ARHGEF10: variants seen among roughly 807,000 people sequenced by gnomAD.
The protein encoded by ARHGEF10 is Rho guanine nucleotide exchange factor 10.
A neutral mutation model predicts 147.4 loss-of-function variants in ARHGEF10; 140 were observed. The ratio of observed to expected loss-of-function variants is 0.95; its 90% CI spans 0.83 to 1.09. The LOEUF is 1.09. Among genes scored for constraint, ARHGEF10 ranks in the 50% least tolerant of loss-of-function variants. The probability of loss-of-function intolerance (pLI) is 0.00; values close to 1 mark genes in which losing one functional copy is unlikely to be tolerated. For missense variants in ARHGEF10, 2,222 were observed against 1,752.7 expected, an observed-to-expected ratio of 1.27 and a Z score of -4.78; for synonymous variants, 902 against 695.8, an observed-to-expected ratio of 1.30 and a Z score of -4.67.
chr8:1,909,367 G>A lies in ARHGEF10; in HGVS notation c.2040G>A (p.Val680=). 2 of 1,614,236 alleles carry A rather than the reference G, an allele frequency of 1.2e-6. No homozygotes were observed. Among genetic ancestry groups the A allele is most frequent in the African/African-American group, 1.3e-5 (1 of 75,058 alleles). ...LLKWSVPLGH[V]DAIEYGSSAG... The stretch of plus-strand genomic sequence containing the variant: ...AGTGGAGCGTTCCACTGGGACATGT[G>A]GACGCCATCGAGTATGGCAGCAGCG... Residue 680 remains valine, a synonymous_variant, in exon 18 of 29, where the codon GTG becomes GTA. Transcript: ENST00000349830.
At chr8:1,901,534 C>T (rs1208233948) in intron 15 of ARHGEF10, among the ~76,000 whole-genome samples, 1 of 152,218 alleles carries the variant, frequency 6.6e-6, no homozygotes, top group Non-Finnish European at 1.5e-5. Flanking sequence ...CTATTTCTCT[C>T]CGTTGTTGTG....
chr8:1,883,553 G>C (rs776443256), intron 10 of ARHGEF10, among the ~76,000 whole-genome samples: 4 of 152,198 alleles, frequency 2.6e-5, no homozygotes, highest in African/African-American at 9.7e-5. Flanking sequence ...TGTGTAATTG[G>C]TATGACATGG....
chr8:1,896,401 C>T lies in ARHGEF10; in HGVS notation c.1509C>T (p.Val503=). The T allele has an allele frequency of 1.2e-6, 2 of 1,614,048 alleles. No homozygotes were observed. The highest frequency in any genetic ancestry group is 1.7e-6 in the Non-Finnish European group (2 of 1,180,018). The change falls in exon 14 of 29, where the codon GTC becomes GTT. Residue 503 remains valine (V), a synonymous_variant. Transcript: ENST00000349830. The part of the protein sequence containing the change: ...YVNNFSTAVA[V]LKKTCATKPA... ...ACAATTTCAGCACAGCCGTGGCAGT[C>T]CTCAAGAAAACATGTGCCACAAAGC...
rs576550644 is a variant in ARHGEF10 at position 1,936,980 on chromosome 8, G to C, written c.3222+3038G>C. 4.6e-5 allele frequency among the ~76,000 whole-genome samples: 7 copies of C among 152,284 alleles called. No homozygotes were observed. In the South Asian group the frequency reaches 1.2e-3, roughly 27 times the overall value. The stretch of plus-strand genomic sequence containing the variant: ...GAGGTCCACACTGGGGCAAGGTGCA[G>C]ATGGGACCTGGGTCCTGAGCCTCCT... On this transcript the variant is annotated intron_variant, in intron 26 of 28. Transcript: ENST00000349830.
chr8:1,925,222 G>C (rs1812592412), intron 21 of ARHGEF10, 61 bp from the exon 22 acceptor site: 5 of 1,605,646 alleles, frequency 3.1e-6, no homozygotes, highest in Non-Finnish European at 4.3e-6. Flanking sequence ...CTGTGGAGCT[G>C]CAGGTCTTTG....
At chr8:1,836,692 C>G (rs377396083) in intron 1 of ARHGEF10, among the ~76,000 whole-genome samples, 1 of 152,092 alleles carries the variant, frequency 6.6e-6, no homozygotes, top group Non-Finnish European at 1.5e-5. Context: ...GAAACAAAGG[C>G]GTGGTTTCTG....
intron 1 of ARHGEF10, among the ~76,000 whole-genome samples, chr8:1,840,938 C>A (rs968942687): frequency 6.6e-6 from 1 of 152,176 alleles, no homozygotes; most frequent in African/African-American, 2.4e-5. Context: ...TCTTGCTGCA[C>A]AGAAAGCTCA....
In ARHGEF10 at chr8:1,958,380, T is replaced by G. The variant is rs1815743296; in HGVS notation, c.*1117T>G. 6.6e-6 allele frequency: 1 copy of G among 152,210 alleles called. No individual in the cohort carries two copies. The highest frequency in any genetic ancestry group is 1.5e-5 in the Non-Finnish European group (1 of 68,036). The allele number at this position is 152,210 out of a possible 1,614,324, so 9.4% of individuals were successfully genotyped here. On this transcript the variant is annotated 3_prime_UTR_variant, in exon 29 of 29. Transcript: ENST00000349830. The stretch of plus-strand genomic sequence containing the variant: ...CACACCATCATGTCAAGGTGCATAC[T>G]TAGTGAGCGCCATCCTGCTGAACGT...
chr8:1,929,242 A>G, intron 24 of ARHGEF10, 44 bp from the exon 25 acceptor site: 2 of 1,604,216 alleles, frequency 1.2e-6, no homozygotes, highest in Non-Finnish European at 1.7e-6. Context: ...CGTTCTTGTT[A>G]CAACGAGCAA....
intron 2 of ARHGEF10, among the ~76,000 whole-genome samples, chr8:1,854,275 G>T (rs1035574795): frequency 6.6e-6 from 1 of 152,164 alleles, no homozygotes; most frequent in African/African-American, 2.4e-5. Flanking sequence ...CCCCTTGGAG[G>T]TGGGGGTCAG....
chr8:1,925,139 G>A, intron 21 of ARHGEF10, 144 bp from the exon 22 acceptor site: 1 of 1,020,704 alleles, frequency 9.8e-7, no homozygotes, highest in South Asian at 1.4e-5. Flanking sequence ...AGATTGTACT[G>A]CTTTCCACAA....
At chr8:1,826,120 C>G (rs552502320) in intron 1 of ARHGEF10, 3 of 1,594,642 alleles carry the variant, frequency 1.9e-6, no homozygotes, top group African/African-American at 2.7e-5. Flanking sequence ...GATGAGACCT[C>G]CAGGATTTCT....
Position 1,849,905 on chromosome 8 carries a change from G to A in ARHGEF10, c.37+6469G>A, listed in dbSNP as rs111552074. On this transcript the variant is annotated intron_variant, in intron 2 of 28. Coordinates refer to ENST00000349830, the MANE Select transcript of ARHGEF10 (RefSeq NM_014629.4). ...CGTGGGGCGACCATGTGGACACAGA[G>A]GGCAAATGCTGAGGAGGGCGTGGGC... Among the ~76,000 whole-genome samples, 336 of 138,272 alleles carry A rather than the reference G, an allele frequency of 2.4e-3. 11 individuals carry two copies. Among genetic ancestry groups the A allele is most frequent in the African/African-American group, 9.4e-3 (325 of 34,740 alleles). The allele number at this position is 138,272 out of a possible 152,430, so 90.7% of individuals were successfully genotyped here.
chr8:1,850,125 G>C (rs1482990493), intron 2 of ARHGEF10, among the ~76,000 whole-genome samples: 16 of 125,486 alleles, frequency 1.3e-4, no homozygotes, highest in Non-Finnish European at 2.1e-4. Context: ...TGGACACAGA[G>C]GGCAAATGCT....
intron 15 of ARHGEF10, among the ~76,000 whole-genome samples, chr8:1,902,015 A>G (rs895680775): frequency 1.6e-4 from 25 of 151,524 alleles, no homozygotes; most frequent in African/African-American, 6.1e-4. Flanking sequence ...AAGTTCTGGG[A>G]TATGTGTGCA....
At chr8:1,857,016 G>T (rs564862768) in intron 2 of ARHGEF10, among the ~76,000 whole-genome samples, 146 of 152,324 alleles carry the variant, frequency 9.6e-4, no homozygotes, top group African/African-American at 3.4e-3. Context: ...GATGCACACG[G>T]CAGGCTGCGC....
intron 1 of ARHGEF10, among the ~76,000 whole-genome samples, chr8:1,826,470 C>T (rs958604301): frequency 1.3e-5 from 2 of 151,626 alleles, no homozygotes; most frequent in Non-Finnish European, 2.9e-5. Flanking sequence ...TAGATAGAGG[C>T]GTTGGGTGGT....
rs150658922 is a variant in ARHGEF10 at position 1,956,587 on chromosome 8, G to C, written c.3521-162G>C. 2.0e-3 allele frequency among the ~76,000 whole-genome samples: 302 copies of C among 152,306 alleles called. 2 individuals carry two copies. The highest frequency in any genetic ancestry group is 6.8e-3 in the African/African-American group (283 of 41,570). ...TAAAAACCCAGAGGAATATAATCCA[G>C]ATATTTTCATCGTAGCTTATTATTC... On this transcript the variant is annotated intron_variant, in intron 28 of 28. Coordinates refer to ENST00000349830, the MANE Select transcript of ARHGEF10 (RefSeq NM_014629.4).
chr8:1,872,819 CG>C (rs1252644638), intron 7 of ARHGEF10, among the ~76,000 whole-genome samples: 1 of 152,084 alleles, frequency 6.6e-6, no homozygotes, highest in Non-Finnish European at 1.5e-5. Flanking sequence ...AGTTACATAC[CG>C]AATAGTAGAT....
Sources: allele counts gnomAD v4.1 joint callset (sites outside exome capture counted in the v4.1 genomes callset), GRCh38; gene constraint gnomAD v4.1.1; transcripts MANE v1.5; gene names NCBI Gene and HGNC (gene_info 2026-07-23, HGNC 2026-07-21).